PITPNC1: variants seen among roughly 807,000 people sequenced by gnomAD.
The protein encoded by PITPNC1 is phosphatidylinositol transfer protein cytoplasmic 1.
Under a neutral mutation model 44.7 loss-of-function variants are expected in PITPNC1, and 18 were observed. That is an observed-to-expected ratio of 0.40 (90% CI 0.28 to 0.60). The LOEUF (loss-of-function observed/expected upper bound fraction) is 0.60, where lower values mean the gene tolerates loss of function less well. Among genes scored for constraint, PITPNC1 ranks in the 20% least tolerant of loss-of-function variants. The pLI, the probability that PITPNC1 is intolerant of heterozygous loss-of-function variation, is 0.39. For synonymous variants in PITPNC1, 141 were observed against 149.6 expected (o/e 0.94, Z 0.42); for missense variants, 290 against 418.4 (o/e 0.69, Z 2.68).
chr17:67,444,443 G>A (rs2039064145), intron 1 of PITPNC1, among the ~76,000 whole-genome samples: 1 of 152,056 alleles, frequency 6.6e-6, no homozygotes, highest in South Asian at 2.1e-4. Context: ...AGGGGGGTGA[G>A]CAGAGGAAAA....
chr17:67,603,001 G>A (rs983741317), intron 5 of PITPNC1, among the ~76,000 whole-genome samples: 7 of 151,788 alleles, frequency 4.6e-5, no homozygotes, highest in Non-Finnish European at 7.4e-5. Context: ...TCACCCTCCC[G>A]TAGTGCTGGG....
chr17:67,576,622 TAGCTAG>T (rs61709072), intron 4 of PITPNC1, among the ~76,000 whole-genome samples: 10,127 of 152,170 alleles, frequency 0.067, 1,126 homozygotes, highest in African/African-American at 0.23. Flanking sequence ...AGCTTAGGGC[TAGCTAG>T]AGCGTGGTTA....
intron 1 of PITPNC1, among the ~76,000 whole-genome samples, chr17:67,502,744 C>CATTGTATTGTATTGT (rs71139151): frequency 0.02 from 2,698 of 137,884 alleles, 43 homozygotes; most frequent in African/African-American, 0.03. Context: ...CATTGCATTG[C>CATTGTATTGTATTGT]ATTGTATTGT....
chr17:67,379,494 C>G, intron 1 of PITPNC1: 1 of 437,052 alleles, frequency 2.3e-6, no homozygotes, highest in Non-Finnish European at 3.0e-6. Flanking sequence ...TCAGCTTCCA[C>G]CAGAATGAAC....
At chr17:67,431,508 T>C (rs189309071) in intron 1 of PITPNC1, among the ~76,000 whole-genome samples, 25 of 152,344 alleles carry the variant, frequency 1.6e-4, no homozygotes, top group Non-Finnish European at 2.5e-4. Flanking sequence ...TATTCCTTGA[T>C]AGTACAATGA....
At chr17:67,588,470 T>G (rs186224026) in intron 5 of PITPNC1, among the ~76,000 whole-genome samples, 132 of 152,326 alleles carry the variant, frequency 8.7e-4, no homozygotes, top group African/African-American at 3.1e-3. Flanking sequence ...AGGAGCAACA[T>G]GAAATCTCAT....
At chr17:67,460,164 A>C (rs2039314628) in intron 1 of PITPNC1, among the ~76,000 whole-genome samples, 1 of 152,154 alleles carries the variant, frequency 6.6e-6, no homozygotes, top group Non-Finnish European at 1.5e-5. Context: ...CTGCACCCAG[A>C]ATTGTTTGTC....
chr17:67,631,206 A>G (rs1423003729), intron 5 of PITPNC1, among the ~76,000 whole-genome samples: 4 of 151,414 alleles, frequency 2.6e-5, no homozygotes, highest in African/African-American at 7.3e-5. Context: ...TACAAAGGAA[A>G]TTGTGCCCTT....
intron 1 of PITPNC1, among the ~76,000 whole-genome samples, chr17:67,483,921 T>G (rs2039738702): frequency 1.5e-5 from 1 of 67,102 alleles, no homozygotes; most frequent in South Asian, 4.6e-4. Flanking sequence ...TTTCTTTCTT[T>G]TTTTTTTTTT....
intron 4 of PITPNC1, among the ~76,000 whole-genome samples, chr17:67,575,683 C>T (rs1458483793): frequency 6.6e-6 from 1 of 152,086 alleles, no homozygotes; most frequent in Non-Finnish European, 1.5e-5. Flanking sequence ...CATGCCTCAG[C>T]ATACACTGGA....
At chr17:67,657,055 C>T (rs540212636) in intron 6 of PITPNC1, among the ~76,000 whole-genome samples, 1 of 152,168 alleles carries the variant, frequency 6.6e-6, no homozygotes, top group African/African-American at 2.4e-5. Context: ...TTAAGGAGGA[C>T]AGTGAGGAGG....
At chr17:67,646,687 T>TGTGG (rs1273443522) in intron 6 of PITPNC1, among the ~76,000 whole-genome samples, 2 of 151,124 alleles carry the variant, frequency 1.3e-5, no homozygotes, top group African/African-American at 2.5e-5. Context: ...TATTTGTGTG[T>TGTGG]GTGGGTGTGT....
At chr17:67,378,264 C>G in intron 1 of PITPNC1, 62 bp downstream of exon 1, 1 of 1,167,816 alleles carries the variant, frequency 8.6e-7, no homozygotes, top group East Asian at 3.2e-5. Context: ...CCGCCGCCTC[C>G]TGGCCGGCGA....
chr17:67,424,085 CAAA>C lies in PITPNC1; in HGVS notation c.48+45903_48+45905del, dbSNP rs71139144. ...CCTAGGCAACAGTGGGAGACTGTCT[CAAA>C]AAAAAAAAAAAAAAAAAAATAGAGT... On this transcript the variant is annotated intron_variant, in intron 1 of 8. Coordinates refer to ENST00000581322, the MANE Select transcript of PITPNC1 (RefSeq NM_012417.4). Among the ~76,000 whole-genome samples the C allele has an allele frequency of 6.0e-3, 458 of 76,068 alleles. 4 individuals are homozygous for C. Among genetic ancestry groups the C allele is most frequent in the African/African-American group, 0.022 (428 of 19,624 alleles). The allele number at this position is 76,068 out of a possible 152,430, so 49.9% of individuals were successfully genotyped here.
intron 4 of PITPNC1, among the ~76,000 whole-genome samples, chr17:67,559,483 G>C (rs991391479): frequency 6.6e-6 from 1 of 152,146 alleles, no homozygotes; most frequent in African/African-American, 2.4e-5. Context: ...TTTAGACAAA[G>C]GGAAATATCC....
intron 7 of PITPNC1, among the ~76,000 whole-genome samples, 158 bp downstream of exon 7, chr17:67,669,821 T>C (rs1216259255): frequency 2.0e-5 from 3 of 152,074 alleles, no homozygotes; most frequent in Non-Finnish European, 4.4e-5. Flanking sequence ...CCTGTAATCC[T>C]AGCACTTTGG....
chr17:67,394,839 G>A (rs1023743736), intron 1 of PITPNC1, among the ~76,000 whole-genome samples: 2 of 151,950 alleles, frequency 1.3e-5, no homozygotes, highest in African/African-American at 2.4e-5. Context: ...AGCTTGCAGT[G>A]AGCCGAGATT....
intron 1 of PITPNC1, among the ~76,000 whole-genome samples, chr17:67,392,458 G>A (rs750971596): frequency 2.0e-5 from 3 of 152,110 alleles, no homozygotes; most frequent in Non-Finnish European, 4.4e-5. Flanking sequence ...TGCCCAGGCT[G>A]GTCTCAAACT....
At chr17:67,505,460 T>G (rs1214801630) in intron 1 of PITPNC1, among the ~76,000 whole-genome samples, 3 of 152,252 alleles carry the variant, frequency 2.0e-5, no homozygotes, top group African/African-American at 7.2e-5. Context: ...CTTTGATCAT[T>G]ATAAAATGTC....
Sources: allele counts gnomAD v4.1 joint callset (sites outside exome capture counted in the v4.1 genomes callset), GRCh38; gene constraint gnomAD v4.1.1; transcripts MANE v1.5; gene names NCBI Gene and HGNC (gene_info 2026-07-23, HGNC 2026-07-21).